Variants in SRBD1 observed in about 807,000 individuals in gnomAD.
SRBD1 encodes the protein S1 RNA-binding domain-containing protein 1.
A neutral mutation model predicts 115.3 loss-of-function variants in SRBD1; 88 were observed. The ratio of observed to expected loss-of-function variants is 0.76; its 90% CI spans 0.64 to 0.91. SRBD1 has a LOEUF of 0.91. Among genes scored for constraint, SRBD1 ranks in the 40% least tolerant of loss-of-function variants. SRBD1 has a pLI of 0.00. For synonymous variants in SRBD1, 509 were observed against 407.7 expected (o/e 1.25, Z -2.99); for missense variants, 1,385 against 1,177.4 (o/e 1.18, Z -2.58).
At chr2:45,577,623 G>A (rs190995809) in intron 7 of SRBD1, among the ~76,000 whole-genome samples, 41 of 152,064 alleles carry the variant, frequency 2.7e-4, no homozygotes, top group African/African-American at 8.4e-4. Context: ...ATGCTTACTG[G>A]TCTGTGGCAA....
chr2:45,597,250 C>G (rs982738751), intron 4 of SRBD1, among the ~76,000 whole-genome samples: 9 of 152,040 alleles, frequency 5.9e-5, no homozygotes, highest in African/African-American at 2.2e-4. Context: ...GAAACCGTGT[C>G]TCTACTAAAA....
rs114960452 is a variant in SRBD1 at position 45,597,466 on chromosome 2, T to C, written c.648+1983A>G. Among the ~76,000 whole-genome samples, 1,134 of 151,862 alleles carry C rather than the reference T, an allele frequency of 7.5e-3. 18 individuals carry two copies. Among genetic ancestry groups the C allele is most frequent in the South Asian group, 0.029 (140 of 4,800 alleles). ...GAACTGCAATACAGAAGCAACTGGT[T>C]AGTCTACGTAACTAATAAAACTAAT... is the stretch of plus-strand genomic sequence containing the variant. On this transcript the variant is annotated intron_variant, in intron 4 of 20. Coordinates refer to ENST00000263736, the MANE Select transcript of SRBD1 (RefSeq NM_018079.5).
intron 18 of SRBD1, among the ~76,000 whole-genome samples, chr2:45,414,562 TACAC>T (rs1036318564): frequency 2.0e-5 from 3 of 150,724 alleles, no homozygotes; most frequent in African/African-American, 4.9e-5. Flanking sequence ...GTAGTGTGTG[TACAC>T]ACATAGTGTG....
chr2:45,524,855 A>C (rs968353098), intron 14 of SRBD1, among the ~76,000 whole-genome samples: 1 of 152,094 alleles, frequency 6.6e-6, no homozygotes, highest in Non-Finnish European at 1.5e-5. Context: ...GAGAAAAAAC[A>C]AAGTAGAAGA....
intron 7 of SRBD1, among the ~76,000 whole-genome samples, chr2:45,575,748 G>C (rs1177519910): frequency 6.6e-6 from 1 of 152,166 alleles, no homozygotes; most frequent in African/African-American, 2.4e-5. Context: ...CTGTCTTCCA[G>C]GTTGGAGTGC....
Position 45,488,217 on chromosome 2 carries a change from TG to T in SRBD1, c.1966+22del, listed in dbSNP as rs746894049. 1.4e-5 allele frequency: 22 copies of T among 1,600,032 alleles called. No individual in the cohort carries two copies. In the East Asian group the frequency reaches 4.7e-4, roughly 34 times the overall value. On this transcript the variant is annotated intron_variant, in intron 15 of 20. Coordinates refer to ENST00000263736, the MANE Select transcript of SRBD1 (RefSeq NM_018079.5). ...CCAAAATATCAAAATCACATGTTTT[TG>T]TGATGGTCCATAGTTTCTTACCTGC... is the stretch of plus-strand genomic sequence containing the variant.
At chr2:45,438,552 A>G (rs1054330399) in intron 16 of SRBD1, among the ~76,000 whole-genome samples, 6 of 152,246 alleles carry the variant, frequency 3.9e-5, no homozygotes, top group Admixed American at 3.9e-4. Context: ...TTAATAAACA[A>G]AGAATAAAGA....
chr2:45,509,695 C>T (rs553982594), intron 14 of SRBD1, among the ~76,000 whole-genome samples: 1 of 151,876 alleles, frequency 6.6e-6, no homozygotes, highest in African/African-American at 2.4e-5. Flanking sequence ...CAATCTACTC[C>T]CCAGGCTTAG....
chr2:45,600,650 C>T (rs914678628), intron 3 of SRBD1, among the ~76,000 whole-genome samples: 2 of 152,138 alleles, frequency 1.3e-5, no homozygotes, highest in South Asian at 2.1e-4. Context: ...ACACTCTGCA[C>T]TGCCACTGCC....
intron 4 of SRBD1, among the ~76,000 whole-genome samples, chr2:45,590,371 T>C (rs997994006): frequency 3.3e-5 from 5 of 152,212 alleles, no homozygotes; most frequent in African/African-American, 1.2e-4. Flanking sequence ...ACTAGACTCC[T>C]TTGTAGGACT....
intron 14 of SRBD1, among the ~76,000 whole-genome samples, chr2:45,539,190 C>T (rs546713396): frequency 3.3e-5 from 5 of 151,820 alleles, no homozygotes; most frequent in African/African-American, 9.7e-5. Context: ...ACTAAAAGAC[C>T]TATCTTCTTA....
chr2:45,389,716 G>C, intron 20 of SRBD1, 117 bp from the exon 21 acceptor site: 1 of 1,044,464 alleles, frequency 9.6e-7, no homozygotes, highest in South Asian at 1.7e-5. Context: ...AAGATTAAGG[G>C]GGGATTATAA....
At chr2:45,411,568 G>C (rs1049667778) in intron 19 of SRBD1, among the ~76,000 whole-genome samples, 1 of 152,162 alleles carries the variant, frequency 6.6e-6, no homozygotes, top group Non-Finnish European at 1.5e-5. Context: ...TAACTGATCG[G>C]AAGAGGTATA....
At chr2:45,571,007 T>C (rs556741719) in intron 9 of SRBD1, among the ~76,000 whole-genome samples, 13 of 152,188 alleles carry the variant, frequency 8.5e-5, no homozygotes, top group African/African-American at 3.1e-4. Flanking sequence ...AAAATAAACT[T>C]GGAAATGAGA....
intron 16 of SRBD1, among the ~76,000 whole-genome samples, chr2:45,452,626 G>C (rs919569140): frequency 1.3e-5 from 2 of 152,002 alleles, no homozygotes; most frequent in Non-Finnish European, 2.9e-5. Context: ...AGATAGCTAA[G>C]TCTTGGCATA....
At chr2:45,581,302 G>A (rs543416643) in intron 6 of SRBD1, among the ~76,000 whole-genome samples, 1 of 152,178 alleles carries the variant, frequency 6.6e-6, no homozygotes, top group East Asian at 1.9e-4. Flanking sequence ...AACCTCCAGT[G>A]GTCAATCCTG....
intron 14 of SRBD1, among the ~76,000 whole-genome samples, chr2:45,539,337 T>A (rs1218640270): frequency 1.3e-5 from 2 of 152,084 alleles, no homozygotes; most frequent in Non-Finnish European, 2.9e-5. Context: ...TTTTCAAGTT[T>A]CATGGCCTCA....
chr2:45,395,207 C>G (rs1036738795), intron 19 of SRBD1, among the ~76,000 whole-genome samples: 8 of 152,216 alleles, frequency 5.3e-5, no homozygotes, highest in African/African-American at 1.9e-4. Context: ...CCTCAAGATT[C>G]TGGCTTCTAA....
At chr2:45,601,066 C>T (rs933346431) in intron 3 of SRBD1, among the ~76,000 whole-genome samples, 4 of 152,050 alleles carry the variant, frequency 2.6e-5, no homozygotes, top group Non-Finnish European at 4.4e-5. Context: ...AGTTGATAAC[C>T]TAATCAAATG....
Sources: gnomAD v4.1 joint callset for allele counts (sites outside exome capture counted in the v4.1 genomes callset) on GRCh38, gnomAD v4.1.1 for gene constraint, MANE v1.5 for transcripts, NCBI Gene and HGNC (gene_info 2026-07-23, HGNC 2026-07-21) for gene names.